Variants in COMP observed in about 807,000 individuals in gnomAD.
COMP encodes cartilage oligomeric matrix protein (pseudoachondroplasia, epiphyseal dysplasia 1, multiple).
A neutral mutation model predicts 95.8 loss-of-function variants in COMP; 79 were observed. The observed-to-expected ratio is 0.82, with a 90% CI of 0.69 to 0.99. COMP has a LOEUF of 0.99. Ranked by LOEUF, COMP falls within the 50% of genes least tolerant of loss-of-function variation. The probability of loss-of-function intolerance (pLI) is 0.00; values close to 1 mark genes in which losing one functional copy is unlikely to be tolerated. For missense variants in COMP, 906 were observed against 1,076.1 expected, an observed-to-expected ratio of 0.84 and a Z score of 2.21; for synonymous variants, 438 against 433.9, an observed-to-expected ratio of 1.01 and a Z score of -0.12.
chr19:18,785,663 C>T lies in COMP; in HGVS notation c.1668+10G>A. On this transcript the variant is annotated intron_variant, in intron 14 of 18. Coordinates refer to ENST00000222271, the MANE Select transcript of COMP (RefSeq NM_000095.3). Reference sequence around the variant, plus strand: ...GGTCCCATCACCCCCCACGTGGACCCCGCTCCCACCTGGTTGAGCACCACC... The same window carrying T: ...GGTCCCATCACCCCCCACGTGGACCTCGCTCCCACCTGGTTGAGCACCACC... The T allele has an allele frequency of 6.2e-7, 1 of 1,613,470 alleles. No homozygotes were observed.
At position 18,789,111 on chromosome 19, in the gene COMP, G is replaced by T. The variant is rs1259774077; in HGVS notation, c.528+49C>A. ...GAGGAGTTTACTGGTAAACAAAATG[G>T]ACGCCCCCTTCCCTTCTGCTCCAAA... On this transcript the variant is annotated intron_variant, in intron 5 of 18. Transcript: ENST00000222271. This position sits in a 1 kb window ranked among gnomAD's most constrained non-coding sequence, Gnocchi z 6.1. The T allele has an allele frequency of 6.4e-7, 1 of 1,567,134 alleles. No homozygotes were observed. Among genetic ancestry groups the T allele is most frequent in the Non-Finnish European group, 8.6e-7 (1 of 1,160,124 alleles).
chr19:18,790,778 C>A, intron 2 of COMP, 72 bp downstream of exon 2: 1 of 1,582,630 alleles, frequency 6.3e-7, no homozygotes, highest in Non-Finnish European at 8.6e-7. Flanking sequence ...CGGGTACTTC[C>A]TCTCTCCTCG....
chr19:18,785,138 G>GCC, intron 15 of COMP, 46 bp from the exon 16 acceptor site: 1 of 1,595,502 alleles, frequency 6.3e-7, no homozygotes, highest in Non-Finnish European at 8.6e-7. Flanking sequence ...GCCAGCCCCA[G>GCC]CCCCCGGAAC....
chr19:18,790,963 G>C (rs750305916), intron 1 of COMP, 28 bp from the exon 2 acceptor site: 4 of 1,548,756 alleles, frequency 2.6e-6, no homozygotes, highest in Non-Finnish European at 3.5e-6. Context: ...CTGGTGAGGC[G>C]TCATGGGGCC....
At position 18,785,669 on chromosome 19, in the gene COMP, C is replaced by T. The variant is rs765296978; in HGVS notation, c.1668+4G>A. On this transcript the variant is annotated splice_donor_region_variant and intron_variant, in intron 14 of 18. Transcript: ENST00000222271. ...ATCACCCCCCACGTGGACCCCGCTC[C>T]CACCTGGTTGAGCACCACCCAGTTG... 8.7e-6 allele frequency: 14 copies of T among 1,613,376 alleles called. No individual in the cohort carries two copies. The highest frequency in any genetic ancestry group is 1.2e-5 in the Non-Finnish European group (14 of 1,180,040).
chr19:18,790,736 C>T, intron 2 of COMP, 114 bp downstream of exon 2: 1 of 1,607,028 alleles, frequency 6.2e-7, no homozygotes, highest in Non-Finnish European at 8.5e-7. Flanking sequence ...ACCCGCCGAC[C>T]CCCTTCCCTC....
rs1284252579 is a variant in COMP at position 18,788,456 on chromosome 19, C to A, written c.821G>T (p.Gly274Val). The A allele has an allele frequency of 6.2e-7, 1 of 1,611,040 alleles. No homozygotes were observed. The highest frequency in any genetic ancestry group is 8.5e-7 in the Non-Finnish European group (1 of 1,179,360). The change falls in exon 8 of 19, where the codon GGC (glycine) becomes GTC (valine). Residue 274 changes from glycine to valine, a missense_variant. Coordinates refer to ENST00000222271, the MANE Select transcript of COMP (RefSeq NM_000095.3). This position sits in a 1 kb window ranked among gnomAD's most constrained non-coding sequence, Gnocchi z 4.7. Reference protein sequence around the residue: ...ILCGRDTDLDGFPDEKLRCPE... With the variant: ...ILCGRDTDLDVFPDEKLRCPE... ...GCAGCGCAGCTTCTCGTCCGGGAAG[C>A]CGTCTAGGTCAGTGTCGCGACCACA...
intron 1 of COMP, 49 bp downstream of exon 1, chr19:18,791,142 C>CAT (rs2055210559): frequency 7.7e-6 from 12 of 1,549,984 alleles, no homozygotes; most frequent in Non-Finnish European, 1.0e-5. Context: ...ACGGGTCCTA[C>CAT]AGTCCGTTGT....
chr19:18,786,687 G>A, intron 10 of COMP, 37 bp from the exon 11 acceptor site: 1 of 1,544,912 alleles, frequency 6.5e-7, no homozygotes, highest in Non-Finnish European at 8.9e-7. Flanking sequence ...CCAAGATTGG[G>A]ACCAGGCCAG....
In COMP at chr19:18,785,959, C is replaced by G. The variant is rs752438156; in HGVS notation, c.1489+6G>C. 8 of 1,600,060 alleles carry G rather than the reference C, an allele frequency of 5.0e-6. No individual in the cohort carries two copies. The African/African-American group carries it at 1.1e-4, about 21-fold the overall frequency. ...GCCCCCACCGCAGGCCCCGCCCCCG[C>G]CGTACTGTCCGCGTCCTCCTGGCCG... On this transcript the variant is annotated splice_donor_region_variant and intron_variant, in intron 13 of 18. Transcript: ENST00000222271.
rs2055166925 is a variant in COMP at position 18,786,301 on chromosome 19, G to A, written c.1255-10C>T. The A allele has an allele frequency of 3.1e-6, 5 of 1,613,824 alleles. No homozygotes were observed. Among genetic ancestry groups the A allele is most frequent in the Non-Finnish European group, 4.2e-6 (5 of 1,180,030 alleles). On this transcript the variant is annotated splice_polypyrimidine_tract_variant and intron_variant, in intron 11 of 18. Coordinates refer to ENST00000222271, the MANE Select transcript of COMP (RefSeq NM_000095.3). ...CGTGGTCCACATCCGCCTGCGGAGG[G>A]CAGCATGCGGGGGTCCATAATCAGA... is the stretch of plus-strand genomic sequence containing the variant.
At position 18,788,463 on chromosome 19, in the gene COMP, G is replaced by T; in HGVS notation, c.814C>A (p.Leu272Ile). 1 of 1,610,710 alleles carries T rather than the reference G, an allele frequency of 6.2e-7. No individual in the cohort carries two copies. Among genetic ancestry groups the T allele is most frequent in the South Asian group, 1.1e-5 (1 of 90,840 alleles). Residue 272 changes from leucine to isoleucine, a missense_variant, in exon 8 of 19, where the codon CTA becomes ATA. Physicochemically the swap from Leu to Ile is conservative, Grantham distance 5 (BLOSUM62 2). Transcript: ENST00000222271. This position sits in a 1 kb window ranked among gnomAD's most constrained non-coding sequence, Gnocchi z 4.7. ...NGILCGRDTD[L>I]DGFPDEKLRC... is the part of the protein sequence containing the mutation. ...AGCTTCTCGTCCGGGAAGCCGTCTA[G>T]GTCAGTGTCGCGACCACAGAGGATC...
chr19:18,783,161 G>T lies in COMP; in HGVS notation c.2120C>A (p.Ala707Asp). The change falls in exon 18 of 19, where the codon GCC (alanine) becomes GAC (aspartate). Residue 707 changes from alanine (A) to aspartate (D), a missense_variant. Ala to Asp is a moderately radical substitution (Grantham distance 126). Transcript: ENST00000222271. ...VRFYEGPELVADSNVVLDTTM... is the reference protein window; with the variant it reads ...VRFYEGPELVDDSNVVLDTTM... ...TGTGTCCAAGACCACGTTGCTGTCG[G>T]CCACCAGCTCAGGGCCCTCATAGAA... The T allele has an allele frequency of 6.2e-7, 1 of 1,609,616 alleles. No individual in the cohort carries two copies.
chr19:18,788,338 GGT>G lies in COMP; in HGVS notation c.868-21_868-20del. The G allele has an allele frequency of 6.2e-7, 1 of 1,609,216 alleles. No individual in the cohort carries two copies. Among genetic ancestry groups the G allele is most frequent in the Non-Finnish European group, 8.5e-7 (1 of 1,179,370 alleles). On this transcript the variant is annotated intron_variant, in intron 8 of 18. Transcript: ENST00000222271. The surrounding 1 kb of genome is among the most constrained non-coding windows in gnomAD (Gnocchi z 4.7). ...AGTTGTCCTGGGGGCGGGCACAGAA[GGT>G]GTGAGGGGCGCGGTCATGAAGTCCC...
chr19:18,785,569 G>T lies in COMP; in HGVS notation c.1669-23C>A, dbSNP rs199591164. On this transcript the variant is annotated intron_variant, in intron 14 of 18. Transcript: ENST00000222271. ...TCCCTGATGGGGTCAAAGAAAGGAG[G>T]GCCTCAGGCTGGCCGTGACAGCCCT... 500 of 1,613,946 alleles carry T rather than the reference G, an allele frequency of 3.1e-4. 3 individuals are homozygous for T. In the East Asian group the frequency reaches 0.011, roughly 35 times the overall value.
rs960816865 is a variant in COMP, at chr19:18,785,058, G to A, written c.1752C>T (p.Gly584=). 2 of 1,614,004 alleles carry A rather than the reference G, an allele frequency of 1.2e-6. No homozygotes were observed. The highest frequency in any genetic ancestry group is 2.7e-5 in the African/African-American group (2 of 74,900). ...YTAFNGVDFE[G]TFHVNTVTDD... ...CCGTGACCGTGTTCACATGGAACGTGCCCTCGAAGTCCACGCCATTGAAGG... is the reference window on the plus strand; with the variant it reads ...CCGTGACCGTGTTCACATGGAACGTACCCTCGAAGTCCACGCCATTGAAGG... Residue 584 remains glycine, a synonymous_variant, in exon 16 of 19, where the codon GGC becomes GGT. Transcript: ENST00000222271.
At position 18,790,904 on chromosome 19, in the gene COMP, T is replaced by G. The variant is rs2055208661; in HGVS notation, c.111A>C (p.Glu37Asp). 1 of 1,571,232 alleles carries G rather than the reference T, an allele frequency of 6.4e-7. No individual in the cohort carries two copies. The highest frequency in any genetic ancestry group is 8.6e-7 in the Non-Finnish European group (1 of 1,159,286). The change falls in exon 2 of 19, where the codon GAA (glutamate) becomes GAC (aspartate). Residue 37 changes from glutamate to aspartate, a missense_variant. By Grantham distance (45) the Glu-to-Asp change is conservative. Transcript: ENST00000222271. The part of the protein sequence containing the change: ...GSDLGPQMLR[E>D]LQETNAALQD... ...GCAGCGCCGCGTTGGTTTCCTGCAG[T>G]TCCCGAAGCATCTGCGGGCCCAGGT...
intron 2 of COMP, 51 bp downstream of exon 2, chr19:18,790,799 A>G: frequency 6.4e-7 from 1 of 1,563,914 alleles, no homozygotes; most frequent in Non-Finnish European, 8.6e-7. Context: ...CTGGGAACTG[A>G]GACCCCCTTC....
Position 18,784,886 on chromosome 19 carries a change from G to C in COMP, c.1914+10C>G. ...GGACCGCAGAGGTCAGGCACGGACGGCCCTGGCACCTTGAGTTGGATGCCA... is the reference window on the plus strand; with the variant it reads ...GGACCGCAGAGGTCAGGCACGGACGCCCCTGGCACCTTGAGTTGGATGCCA... On this transcript the variant is annotated intron_variant, in intron 16 of 18. Coordinates refer to ENST00000222271, the MANE Select transcript of COMP (RefSeq NM_000095.3). This position sits in a 1 kb window ranked among gnomAD's most constrained non-coding sequence, Gnocchi z 4.9. 2 of 1,613,352 alleles carry C rather than the reference G, an allele frequency of 1.2e-6. No homozygotes were observed. Among genetic ancestry groups the C allele is most frequent in the Non-Finnish European group, 1.7e-6 (2 of 1,179,934 alleles).
Sources: allele counts gnomAD v4.1 joint callset, GRCh38; gene constraint gnomAD v4.1.1; non-coding constraint Gnocchi (gnomAD v3.1); transcripts MANE v1.5; gene names NCBI Gene and HGNC (gene_info 2026-07-23, HGNC 2026-07-21).